The following TLN2 variants were observed in gnomAD, a reference collection of about 807,000 sequenced individuals.
TLN2 encodes talin 2.
TLN2 carries 118 observed loss-of-function variants against 294.7 expected under a neutral mutation model. The ratio of observed to expected loss-of-function variants is 0.40; its 90% CI spans 0.34 to 0.47. The LOEUF (loss-of-function observed/expected upper bound fraction) is 0.47. Among genes scored for constraint, TLN2 ranks in the 20% least tolerant of loss-of-function variants. The probability of loss-of-function intolerance (pLI) is 0.84; values close to 1 mark genes in which losing one functional copy is unlikely to be tolerated. For missense variants in TLN2, 3,083 were observed against 3,282.2 expected (o/e 0.94, Z 1.48); for synonymous variants, 1,431 against 1,304.5 (o/e 1.10, Z -2.09).
intron 1 of TLN2, among the ~76,000 whole-genome samples, chr15:62,414,289 T>G (rs1316676489): frequency 1.5e-5 from 2 of 135,790 alleles, no homozygotes; most frequent in African/African-American, 2.6e-5. Flanking sequence ...AGAGTGAGCC[T>G]ATGCTTTGAT....
chr15:62,820,455 G>C (rs2067467824), intron 53 of TLN2, 31 bp from the exon 54 acceptor site: 1 of 1,611,778 alleles, frequency 6.2e-7, no homozygotes, highest in African/African-American at 1.3e-5. Flanking sequence ...CTGCAGCTAT[G>C]AAGAATCACC....
intron 1 of TLN2, among the ~76,000 whole-genome samples, chr15:62,392,059 C>G (rs531350878): frequency 7.0e-4 from 106 of 152,366 alleles, no homozygotes; most frequent in African/African-American, 2.4e-3. Flanking sequence ...CCGAGGCCGC[C>G]GAACAGCCTG....
At chr15:62,742,027 GTGTGTGTGTGTGT>G (rs2061364174) in intron 32 of TLN2, among the ~76,000 whole-genome samples, 1 of 34,356 alleles carries the variant, frequency 2.9e-5, no homozygotes, top group African/African-American at 9.1e-5. Flanking sequence ...GTAGTGGGGT[GTGTGTGTGTGTGT>G]GTGTGTGTGT....
intron 51 of TLN2, among the ~76,000 whole-genome samples, chr15:62,807,803 A>C (rs2066398394): frequency 6.6e-6 from 1 of 152,192 alleles, no homozygotes; most frequent in Non-Finnish European, 1.5e-5. Flanking sequence ...TCAGCTTCAC[A>C]CACCAAAATC....
At chr15:62,732,235 A>G (rs2060770799) in intron 28 of TLN2, among the ~76,000 whole-genome samples, 2 of 152,240 alleles carry the variant, frequency 1.3e-5, no homozygotes, top group Admixed American at 6.5e-5. Flanking sequence ...TAGAGAAAAG[A>G]CTACTTTACA....
chr15:62,434,347 T>C (rs2035178169), intron 1 of TLN2, among the ~76,000 whole-genome samples: 2 of 152,250 alleles, frequency 1.3e-5, no homozygotes, highest in African/African-American at 2.4e-5. Context: ...TTAGATTATA[T>C]AGAATAGCCT....
chr15:62,601,831 T>G (rs1208139516), intron 2 of TLN2, among the ~76,000 whole-genome samples: 1 of 152,240 alleles, frequency 6.6e-6, no homozygotes, highest in Admixed American at 6.5e-5. Flanking sequence ...ATTTCTTTTT[T>G]TAGCGTAATT....
chr15:62,424,428 GGGAA>G (rs1336363012), intron 1 of TLN2, among the ~76,000 whole-genome samples: 1 of 152,140 alleles, frequency 6.6e-6, no homozygotes, highest in Non-Finnish European at 1.5e-5. Flanking sequence ...GCAGTGGGTA[GGGAA>G]GGATGGCTCT....
chr15:62,407,338 C>T (rs772826868), intron 1 of TLN2, among the ~76,000 whole-genome samples: 3 of 152,104 alleles, frequency 2.0e-5, no homozygotes, highest in Admixed American at 6.5e-5. Context: ...GGTTTCTCCC[C>T]GTAATACCAG....
chr15:62,609,848 T>C (rs2047768499), intron 2 of TLN2, among the ~76,000 whole-genome samples: 1 of 152,238 alleles, frequency 6.6e-6, no homozygotes, highest in South Asian at 2.1e-4. Flanking sequence ...TTTATTCATT[T>C]ATTTATACCA....
At chr15:62,723,937 C>A (rs1170644897) in intron 26 of TLN2, among the ~76,000 whole-genome samples, 1 of 151,918 alleles carries the variant, frequency 6.6e-6, no homozygotes, top group East Asian at 2.0e-4. Context: ...TTGCTTGAGT[C>A]CAGGAGTTCA....
intron 14 of TLN2, among the ~76,000 whole-genome samples, chr15:62,695,374 C>T (rs887464595): frequency 6.6e-6 from 1 of 152,172 alleles, no homozygotes; most frequent in Non-Finnish European, 1.5e-5. Flanking sequence ...ATTCTTCCTG[C>T]TTGCCTTGAT....
At chr15:62,399,214 C>T (rs2032806264) in intron 1 of TLN2, among the ~76,000 whole-genome samples, 1 of 127,556 alleles carries the variant, frequency 7.8e-6, no homozygotes, top group Admixed American at 1.0e-4. Context: ...GGATGCGCCA[C>T]TGCACTCTAG....
chr15:62,663,404 T>G (rs1370315670), intron 9 of TLN2, among the ~76,000 whole-genome samples: 1 of 152,032 alleles, frequency 6.6e-6, no homozygotes, highest in Admixed American at 6.6e-5. Context: ...TCTCAGTGCT[T>G]CTTATCAACA....
chr15:62,614,756 C>T (rs1057166274), intron 2 of TLN2, among the ~76,000 whole-genome samples: 1 of 152,166 alleles, frequency 6.6e-6, no homozygotes, highest in East Asian at 1.9e-4. Flanking sequence ...CAACATATGT[C>T]TCTGAATGTG....
At chr15:62,404,603 A>G (rs529051517) in intron 1 of TLN2, among the ~76,000 whole-genome samples, 3 of 152,258 alleles carry the variant, frequency 2.0e-5, no homozygotes, top group South Asian at 4.1e-4. Context: ...CATTGCTTCA[A>G]TATAGTCCAT....
intron 1 of TLN2, among the ~76,000 whole-genome samples, chr15:62,454,699 T>C (rs1083868): frequency 0.43 from 64,561 of 151,906 alleles, 13,964 homozygotes; most frequent in East Asian, 0.71. Flanking sequence ...GGCAAGAGCA[T>C]GGGCAAGAGG....
intron 54 of TLN2, among the ~76,000 whole-genome samples, chr15:62,824,754 T>G (rs901404229): frequency 6.6e-6 from 1 of 152,190 alleles, no homozygotes; most frequent in South Asian, 2.1e-4. Flanking sequence ...TAGAAAACAT[T>G]TTTTCTGGTA....
intron 3 of TLN2, among the ~76,000 whole-genome samples, chr15:62,646,353 G>A (rs180800580): frequency 1.9e-4 from 29 of 152,092 alleles, no homozygotes; most frequent in African/African-American, 6.0e-4. Context: ...AATAGAGACC[G>A]TGTTTCACCA....
Sources: gnomAD v4.1 joint callset for allele counts (sites outside exome capture counted in the v4.1 genomes callset) on GRCh38, gnomAD v4.1.1 for gene constraint, MANE v1.5 for transcripts, NCBI Gene and HGNC (gene_info 2026-07-23, HGNC 2026-07-21) for gene names.